The following NRXN3 variants were observed in gnomAD, a reference collection of about 807,000 sequenced individuals.
NRXN3 encodes the protein neurexin III.
In NRXN3, 32 loss-of-function variants were observed where a neutral mutation model predicts 137.6. The observed-to-expected ratio is 0.23, with a 90% CI of 0.18 to 0.31. The LOEUF is 0.31. Ranked by LOEUF, NRXN3 falls within the 10% of genes least tolerant of loss-of-function variation. The pLI is 1.00. For synonymous variants in NRXN3, 798 were observed against 784.5 expected, an observed-to-expected ratio of 1.02 and a Z score of -0.29; for missense variants, 1,574 against 2,062.5, an observed-to-expected ratio of 0.76 and a Z score of 4.59.
chr14:79,235,670 T>C (rs900685370), intron 15 of NRXN3, among the ~76,000 whole-genome samples: 1 of 152,056 alleles, frequency 6.6e-6, no homozygotes, highest in Admixed American at 6.6e-5. Flanking sequence ...GAAAAATAAT[T>C]ATAGAAAGGA....
chr14:78,668,597 C>T (rs1242188337), intron 6 of NRXN3, among the ~76,000 whole-genome samples: 1 of 152,158 alleles, frequency 6.6e-6, no homozygotes, highest in Non-Finnish European at 1.5e-5. Flanking sequence ...TGTAGGCCTA[C>T]AATGCACAGG....
intron 4 of NRXN3, among the ~76,000 whole-genome samples, chr14:78,361,806 G>T (rs139758630): frequency 2.0e-5 from 3 of 152,184 alleles, no homozygotes; most frequent in Non-Finnish European, 2.9e-5. Context: ...TCCTAAAACG[G>T]CTCCCTTTAT....
chr14:79,253,943 C>G (rs1568800175), intron 15 of NRXN3, among the ~76,000 whole-genome samples: 1 of 152,308 alleles, frequency 6.6e-6, no homozygotes, highest in Middle Eastern at 3.4e-3. Context: ...AAGTAGAATA[C>G]ATTTGTAAGT....
chr14:79,117,654 G>A (rs1205256980), intron 15 of NRXN3, among the ~76,000 whole-genome samples: 1 of 152,136 alleles, frequency 6.6e-6, no homozygotes, highest in African/African-American at 2.4e-5. Context: ...TGGGAGTGAG[G>A]AAGGGCTAGT....
intron 4 of NRXN3, among the ~76,000 whole-genome samples, chr14:78,451,345 G>A (rs2094547078): frequency 6.6e-6 from 1 of 152,218 alleles, no homozygotes; most frequent in Non-Finnish European, 1.5e-5. Flanking sequence ...GGAGTTGAGA[G>A]TACCTACATT....
intron 2 of NRXN3, among the ~76,000 whole-genome samples, chr14:78,277,865 A>G (rs577496321): frequency 2.0e-5 from 3 of 152,246 alleles, no homozygotes; most frequent in South Asian, 2.1e-4. Flanking sequence ...TCAAATGTCA[A>G]CCTGTCTAGG....
At chr14:78,265,791 G>A (rs188220908) in intron 2 of NRXN3, among the ~76,000 whole-genome samples, 1 of 152,310 alleles carries the variant, frequency 6.6e-6, no homozygotes, top group Admixed American at 6.5e-5. Flanking sequence ...TCTTGGATCT[G>A]TGTTTCCTCT....
At chr14:78,295,229 C>T (rs1485643102) in intron 3 of NRXN3, among the ~76,000 whole-genome samples, 1 of 152,186 alleles carries the variant, frequency 6.6e-6, no homozygotes, top group Admixed American at 6.5e-5. Flanking sequence ...GGTTTCTCCC[C>T]CCAGTCCTGT....
intron 15 of NRXN3, among the ~76,000 whole-genome samples, chr14:79,082,831 A>G (rs1217662744): frequency 1.3e-5 from 2 of 152,208 alleles, no homozygotes; most frequent in African/African-American, 4.8e-5. Context: ...TTCATTCAGG[A>G]ATTCAAACTC....
At chr14:79,631,632 T>C (rs1256032381) in intron 16 of NRXN3, among the ~76,000 whole-genome samples, 3 of 152,232 alleles carry the variant, frequency 2.0e-5, no homozygotes, top group Non-Finnish European at 1.5e-5. Context: ...TGAGTGCCAC[T>C]GAGAGGTGAA....
chr14:79,561,095 C>A (rs1035053248), intron 16 of NRXN3, among the ~76,000 whole-genome samples: 10 of 152,116 alleles, frequency 6.6e-5, no homozygotes, highest in Non-Finnish European at 1.2e-4. Flanking sequence ...GAATCGATTG[C>A]TTTTAGAGTT....
chr14:78,755,148 T>A (rs941602696), intron 8 of NRXN3, among the ~76,000 whole-genome samples: 2 of 151,812 alleles, frequency 1.3e-5, no homozygotes, highest in African/African-American at 2.4e-5. Flanking sequence ...TCCAAGTAGC[T>A]GGGACTATGG....
intron 1 of NRXN3, among the ~76,000 whole-genome samples, chr14:78,223,567 TG>T (rs1221950061): frequency 6.6e-6 from 1 of 152,210 alleles, no homozygotes; most frequent in African/African-American, 2.4e-5. Context: ...GGCTATCCTT[TG>T]TTCTGATGAT....
intron 15 of NRXN3, among the ~76,000 whole-genome samples, chr14:79,129,088 C>G (rs1409579576): frequency 2.0e-5 from 3 of 152,066 alleles, no homozygotes; most frequent in African/African-American, 7.2e-5. Context: ...ATTAATCTTG[C>G]TAGCAGTCTA....
chr14:79,546,371 TAAAATCCTAA>T (rs1357594581), intron 16 of NRXN3, among the ~76,000 whole-genome samples: 1 of 152,220 alleles, frequency 6.6e-6, no homozygotes, highest in South Asian at 2.1e-4. Flanking sequence ...TACTACTTCC[TAAAATCCTAA>T]AAGTTTCATT....
chr14:79,114,036 C>G (rs901425217), intron 15 of NRXN3, among the ~76,000 whole-genome samples: 2 of 152,192 alleles, frequency 1.3e-5, no homozygotes, highest in Admixed American at 1.3e-4. Flanking sequence ...GATCTTGACG[C>G]TTAATGACAT....
chr14:79,230,866 T>C (rs972410990), intron 15 of NRXN3, among the ~76,000 whole-genome samples: 13 of 152,136 alleles, frequency 8.5e-5, no homozygotes. Flanking sequence ...AGTCTCCTTT[T>C]ACTCATCTGT....
chr14:78,326,926 CAAA>C (rs35177007), intron 4 of NRXN3, among the ~76,000 whole-genome samples: 2 of 118,166 alleles, frequency 1.7e-5, no homozygotes, highest in African/African-American at 3.2e-5. Flanking sequence ...GAGTGAGTTA[CAAA>C]AAAAAAAAAA....
rs2095232082 is a variant in NRXN3, at chr14:79,402,616, T to C, written c.3263-64605T>C. On this transcript the variant is annotated intron_variant, in intron 15 of 20. Coordinates refer to ENST00000335750, the MANE Select transcript of NRXN3 (RefSeq NM_001330195.2). ...CCCTCACCTACCTTAATTGGTCAGATGAAAATATTTGGAAGAAATACCTCA... is the reference window on the plus strand; with the variant it reads ...CCCTCACCTACCTTAATTGGTCAGACGAAAATATTTGGAAGAAATACCTCA... Among the ~76,000 whole-genome samples the C allele has an allele frequency of 3.3e-5, 5 of 152,332 alleles. No homozygotes were observed. In the South Asian group the frequency reaches 1.0e-3, roughly 32 times the overall value.
Sources: gnomAD v4.1 joint callset for allele counts (sites outside exome capture counted in the v4.1 genomes callset) on GRCh38, gnomAD v4.1.1 for gene constraint, MANE v1.5 for transcripts, NCBI Gene and HGNC (gene_info 2026-07-23, HGNC 2026-07-21) for gene names.